Variants in LMO7 observed in about 807,000 individuals in gnomAD.
LMO7 encodes the protein LIM domain 7, also known as LIM domain only protein 7.
A neutral mutation model predicts 206.5 loss-of-function variants in LMO7; 120 were observed. That is an observed-to-expected ratio of 0.58 (90% CI 0.50 to 0.68). LMO7 has a LOEUF of 0.68. Among genes scored for constraint, LMO7 ranks in the 30% least tolerant of loss-of-function variants. The probability of loss-of-function intolerance (pLI) is 0.00; values close to 1 mark genes in which losing one functional copy is unlikely to be tolerated. For missense variants in LMO7, 1,959 were observed against 1,957.9 expected (o/e 1.00, Z -0.01); for synonymous variants, 706 against 681.5 (o/e 1.04, Z -0.56).
chr13:75,681,740 A>ATATATATG (rs2040548003), intron 1 of LMO7, among the ~76,000 whole-genome samples: 1 of 137,058 alleles, frequency 7.3e-6, no homozygotes, highest in African/African-American at 2.6e-5. Flanking sequence ...ATATATATAT[A>ATATATATG]TATATATATG....
intron 4 of LMO7, among the ~76,000 whole-genome samples, chr13:75,772,001 A>G (rs2049815422): frequency 6.6e-6 from 1 of 152,082 alleles, no homozygotes; most frequent in Admixed American, 6.6e-5. Flanking sequence ...TAATTCCAGT[A>G]AGATGAAACT....
chr13:75,735,120 T>A (rs939516618), intron 3 of LMO7, among the ~76,000 whole-genome samples: 2 of 140,928 alleles, frequency 1.4e-5, no homozygotes, highest in African/African-American at 5.5e-5. Flanking sequence ...AAATTACGTG[T>A]GTGTGTGTGT....
At chr13:75,704,211 A>T (rs1267881503) in intron 1 of LMO7, among the ~76,000 whole-genome samples, 3 of 152,184 alleles carry the variant, frequency 2.0e-5, no homozygotes, top group African/African-American at 4.8e-5. Context: ...TAAGGTCATG[A>T]TACGTGAACA....
At chr13:75,852,399 C>T (rs2060569897) in intron 27 of LMO7, among the ~76,000 whole-genome samples, 1 of 152,096 alleles carries the variant, frequency 6.6e-6, no homozygotes, top group African/African-American at 2.4e-5. Flanking sequence ...CACATATTAC[C>T]TGGGTGATGA....
intron 27 of LMO7, among the ~76,000 whole-genome samples, chr13:75,850,856 G>A (rs909172400): frequency 4.6e-5 from 7 of 151,346 alleles, no homozygotes; most frequent in African/African-American, 7.3e-5. Flanking sequence ...GTCTCAGCTC[G>A]TGAGCTGTGT....
intron 2 of LMO7, chr13:75,628,668 T>C (rs912943780): frequency 3.9e-5 from 6 of 152,226 alleles, no homozygotes; most frequent in Admixed American, 2.6e-4. Context: ...GCAGACGCTT[T>C]TTTGAATCAT....
chr13:75,855,236 A>G (rs775015747), intron 28 of LMO7, 24 bp from the exon 29 acceptor site: 4 of 1,469,706 alleles, frequency 2.7e-6, no homozygotes, highest in Non-Finnish European at 3.8e-6. Flanking sequence ...GAAAGCCTCC[A>G]TTCCATTCTT....
chr13:75,748,520 C>T (rs185052008), intron 3 of LMO7, among the ~76,000 whole-genome samples: 18 of 152,194 alleles, frequency 1.2e-4, no homozygotes, highest in African/African-American at 3.4e-4. Context: ...CCTGGCATAT[C>T]GTAAGAACTC....
chr13:75,754,038 CACATA>C (rs2047482691), intron 3 of LMO7, among the ~76,000 whole-genome samples: 1 of 152,148 alleles, frequency 6.6e-6, no homozygotes, highest in African/African-American at 2.4e-5. Context: ...AGGTGAAATT[CACATA>C]ACATAAAGTA....
rs1170269556 is a variant in LMO7, at chr13:75,800,785, C to T, written c.564C>T (p.His188=). Residue 188 remains histidine, a synonymous_variant, in exon 7 of 31, where the codon CAC becomes CAT. Coordinates refer to ENST00000377534, the MANE Select transcript of LMO7 (RefSeq NM_001306080.2). ...ERGEFLAPPR[H]HKREDSFESL... is the part of the protein sequence containing the mutation. ...GAGAATTTCTTGCTCCTCCAAGGCA[C>T]CATAAGAGAGAAGATTCCTTTGAAA... 9 of 1,614,058 alleles carry T rather than the reference C, an allele frequency of 5.6e-6. No individual in the cohort carries two copies. The South Asian group carries it at 8.8e-5, about 16-fold the overall frequency.
chr13:75,665,242 G>T (rs943778936), intron 1 of LMO7, among the ~76,000 whole-genome samples: 10 of 151,880 alleles, frequency 6.6e-5, no homozygotes, highest in Middle Eastern at 3.4e-3. Context: ...GAAGTTTTTG[G>T]TGTAAATTTA....
chr13:75,852,124 GTATC>G (rs1243962608), intron 27 of LMO7, among the ~76,000 whole-genome samples: 32 of 152,246 alleles, frequency 2.1e-4, no homozygotes, highest in African/African-American at 6.0e-4. Context: ...TAAAGGATAA[GTATC>G]AATCTTCTTA....
At chr13:75,811,772 A>G (rs2056425226) in intron 11 of LMO7, among the ~76,000 whole-genome samples, 1 of 152,188 alleles carries the variant, frequency 6.6e-6, no homozygotes, top group Non-Finnish European at 1.5e-5. Context: ...AAACTTGAAA[A>G]TTTGGTCATG....
rs1315618524 is a variant in LMO7, at chr13:75,805,310, G to A, written c.915-169G>A. 8.6e-6 allele frequency: 8 copies of A among 929,550 alleles called. No individual in the cohort carries two copies. In the East Asian group the frequency reaches 1.1e-4, roughly 12 times the overall value. The allele number at this position is 929,550 out of a possible 1,614,324, so 57.6% of individuals were successfully genotyped here. ...TATCTAGCTATCCTTGAGTTAAAAT[G>A]AGATGCTGTTATAATAACTTTGTCC... On this transcript the variant is annotated intron_variant, in intron 8 of 30. Transcript: ENST00000377534.
At chr13:75,697,628 TCTTC>T (rs547196134) in intron 1 of LMO7, among the ~76,000 whole-genome samples, 262 of 152,334 alleles carry the variant, frequency 1.7e-3, no homozygotes, top group African/African-American at 6.2e-3. Context: ...TCAGGCAGTG[TCTTC>T]CTTTTCTTTG....
In LMO7 at chr13:75,760,963, A is replaced by G. The variant is rs1299044619; in HGVS notation, c.242A>G (p.Glu81Gly). ...ATAAACGTTTTCTTGAAAGCTTGTG[A>G]ACAGATTGGATTGAAAGAAGCCCAG... Reference protein sequence around the residue: ...DNINVFLKACEQIGLKEAQLF... With the variant: ...DNINVFLKACGQIGLKEAQLF... The change falls in exon 4 of 31, where the codon GAA becomes GGA. Residue 81 changes from glutamate (E) to glycine (G), a missense_variant. Transcript: ENST00000377534. 1 of 1,613,560 alleles carries G rather than the reference A, an allele frequency of 6.2e-7. No individual in the cohort carries two copies. Among genetic ancestry groups the G allele is most frequent in the Non-Finnish European group, 8.5e-7 (1 of 1,179,756 alleles).
chr13:75,790,160 A>G (rs1389677797), intron 4 of LMO7, among the ~76,000 whole-genome samples: 2 of 152,124 alleles, frequency 1.3e-5, no homozygotes, highest in East Asian at 1.9e-4. Context: ...CTTCACAGAA[A>G]TGTCTCTTCT....
chr13:75,660,155 C>T lies in LMO7; in HGVS notation c.69+23429C>T, dbSNP rs189288669. Among the ~76,000 whole-genome samples, 11 of 152,222 alleles carry T rather than the reference C, an allele frequency of 7.2e-5. No individual in the cohort carries two copies. In the South Asian group the frequency reaches 8.3e-4, roughly 11 times the overall value. The stretch of plus-strand genomic sequence containing the variant: ...TATTGAACACTTCCTATGTTCTAGA[C>T]GATGTAGGGGCTAGGGAAATAGCAG... On this transcript the variant is annotated intron_variant, in intron 1 of 30. Coordinates refer to ENST00000377534, the MANE Select transcript of LMO7 (RefSeq NM_001306080.2).
intron 1 of LMO7, among the ~76,000 whole-genome samples, chr13:75,696,358 AAAACAAAC>A (rs201276341): frequency 0.089 from 12,216 of 137,924 alleles, 1,336 homozygotes; most frequent in Admixed American, 0.24. Flanking sequence ...CCATCTCAAA[AAAACAAAC>A]AAACAAACAA....
Sources: allele counts gnomAD v4.1 joint callset (sites outside exome capture counted in the v4.1 genomes callset), GRCh38; gene constraint gnomAD v4.1.1; transcripts MANE v1.5; gene names NCBI Gene and HGNC (gene_info 2026-07-23, HGNC 2026-07-21).